STX18: variants seen among roughly 807,000 people sequenced by gnomAD.
STX18 encodes syntaxin 18.
In STX18, 40 loss-of-function variants were observed where a neutral mutation model predicts 50.1. The observed-to-expected ratio is 0.80, with a 90% CI of 0.62 to 1.04. STX18 has a LOEUF of 1.04. STX18 is among the 50% of genes least tolerant of loss of function. The pLI, the probability that STX18 is intolerant of heterozygous loss-of-function variation, is 0.00. For missense variants in STX18, 410 were observed against 415.8 expected, an observed-to-expected ratio of 0.99 and a Z score of 0.12; for synonymous variants, 158 against 151.8, an observed-to-expected ratio of 1.04 and a Z score of -0.30.
intron 9 of STX18, among the ~76,000 whole-genome samples, chr4:4,423,056 G>C (rs924245740): frequency 1.3e-5 from 2 of 152,234 alleles, no homozygotes; most frequent in Non-Finnish European, 2.9e-5. Context: ...TGAGAGGCCT[G>C]GGTCTGAGCT....
At chr4:4,503,236 C>A (rs781240468) in intron 1 of STX18, among the ~76,000 whole-genome samples, 1 of 152,126 alleles carries the variant, frequency 6.6e-6, no homozygotes, top group Non-Finnish European at 1.5e-5. Context: ...CAGCTCTTAA[C>A]GTCACTAAGA....
intron 1 of STX18, among the ~76,000 whole-genome samples, chr4:4,519,606 C>T (rs1441088): frequency 0.39 from 59,821 of 151,892 alleles, 11,947 homozygotes; most frequent in South Asian, 0.46. Flanking sequence ...AGCTGTAAAA[C>T]AGCTGAGAAG....
chr4:4,542,235 C>T, upstream of STX18: 1 of 383,742 alleles, frequency 2.6e-6, no homozygotes, highest in South Asian at 5.8e-5. Context: ...TTTAGCTGCG[C>T]GGAGAGCTCA....
chr4:4,421,691 C>G (rs981657170), intron 9 of STX18, among the ~76,000 whole-genome samples: 1 of 152,218 alleles, frequency 6.6e-6, no homozygotes, highest in African/African-American at 2.4e-5. Context: ...CTTCTAGTCT[C>G]TCATTTCTTT....
At chr4:4,460,358 G>C (rs1311174807) in intron 2 of STX18, among the ~76,000 whole-genome samples, 2 of 152,154 alleles carry the variant, frequency 1.3e-5, no homozygotes, top group South Asian at 2.1e-4. Flanking sequence ...AGCTACGACT[G>C]TGCTCCCTAG....
intron 1 of STX18, among the ~76,000 whole-genome samples, chr4:4,509,279 T>C (rs1281232998): frequency 1.3e-5 from 2 of 152,130 alleles, no homozygotes; most frequent in Non-Finnish European, 2.9e-5. Context: ...TGGTATCTCA[T>C]TGTGGTTTTG....
At chr4:4,478,224 C>CA (rs71638565) in intron 1 of STX18, among the ~76,000 whole-genome samples, 8,224 of 110,132 alleles carry the variant, frequency 0.075, 450 homozygotes, top group African/African-American at 0.21. Context: ...GAAAGATCGG[C>CA]AAAAAAAAAA....
chr4:4,540,361 G>A (rs963520390), intron 1 of STX18, among the ~76,000 whole-genome samples: 1 of 152,072 alleles, frequency 6.6e-6, no homozygotes, highest in Admixed American at 6.6e-5. Context: ...AGATCTCCGC[G>A]TCCAATTTTT....
chr4:4,430,023 T>C (rs183315576), intron 7 of STX18, among the ~76,000 whole-genome samples: 64 of 152,366 alleles, frequency 4.2e-4, no homozygotes, highest in South Asian at 3.5e-3. Context: ...AGAAATTTTC[T>C]TGATGTAACT....
At chr4:4,533,127 A>G (rs1435263403) in intron 1 of STX18, among the ~76,000 whole-genome samples, 1 of 152,230 alleles carries the variant, frequency 6.6e-6, no homozygotes, top group Non-Finnish European at 1.5e-5. Context: ...CAAGCTTTCC[A>G]TATCTGAGTT....
At chr4:4,502,131 T>C (rs551879220) in intron 1 of STX18, among the ~76,000 whole-genome samples, 1 of 152,296 alleles carries the variant, frequency 6.6e-6, no homozygotes, top group South Asian at 2.1e-4. Context: ...CTCTATTAGG[T>C]GTAATATACC....
intron 7 of STX18, among the ~76,000 whole-genome samples, chr4:4,428,886 A>G (rs1725386022): frequency 6.6e-6 from 1 of 152,188 alleles, no homozygotes; most frequent in Non-Finnish European, 1.5e-5. Flanking sequence ...TGGAATTGCA[A>G]AGGAAGGTGA....
At chr4:4,468,351 T>C (rs1424170983) in intron 2 of STX18, among the ~76,000 whole-genome samples, 1 of 152,116 alleles carries the variant, frequency 6.6e-6, no homozygotes, top group Admixed American at 6.5e-5. Context: ...TAACTTGAAA[T>C]AGACTGAGCA....
At chr4:4,448,357 T>C (rs1032096752) in intron 5 of STX18, among the ~76,000 whole-genome samples, 3 of 151,924 alleles carry the variant, frequency 2.0e-5, no homozygotes, top group Non-Finnish European at 4.4e-5. Context: ...ATGCTTTTTT[T>C]TTTTGACAGA....
chr4:4,471,648 T>C lies in STX18; in HGVS notation c.227A>G (p.Asn76Ser). 2 of 1,573,724 alleles carry C rather than the reference T, an allele frequency of 1.3e-6. No individual in the cohort carries two copies. Among genetic ancestry groups the C allele is most frequent in the Non-Finnish European group, 1.7e-6 (2 of 1,167,050 alleles). ...FLLEHRKDYINAYSHTMSEYG... is the reference protein window; with the variant it reads ...FLLEHRKDYISAYSHTMSEYG... ...AAAAATATGTACTTACCTATAAGCA[T>C]TAATATAATCTTTCCTGTGTTCCAG... Residue 76 changes from asparagine (N) to serine (S), a missense_variant, in exon 2 of 11, where the codon AAT (asparagine) becomes AGT (serine). Coordinates refer to ENST00000306200, the MANE Select transcript of STX18 (RefSeq NM_016930.4).
intron 1 of STX18, chr4:4,481,552 T>G (rs1728462595): frequency 1.3e-5 from 2 of 152,204 alleles, no homozygotes; most frequent in Admixed American, 6.5e-5. Flanking sequence ...ACCACTGCTG[T>G]ATGTTTGCCA....
intron 1 of STX18, among the ~76,000 whole-genome samples, chr4:4,472,680 C>T (rs189628873): frequency 1.4e-3 from 208 of 152,246 alleles, no homozygotes; most frequent in Non-Finnish European, 2.2e-3. Context: ...CTTTTATATA[C>T]ACACTTCTTT....
chr4:4,426,710 C>G (rs1725258006), intron 7 of STX18: 1 of 152,570 alleles, frequency 6.6e-6, no homozygotes, highest in African/African-American at 2.4e-5. Context: ...CCTTCCCCTA[C>G]CGTCCACATT....
chr4:4,489,719 T>G (rs573552313), intron 1 of STX18, among the ~76,000 whole-genome samples: 15 of 152,312 alleles, frequency 9.8e-5, no homozygotes, highest in Non-Finnish European at 1.8e-4. Flanking sequence ...GGATTGCTCC[T>G]TAAGTGTACA....
Sources: allele counts gnomAD v4.1 joint callset (sites outside exome capture counted in the v4.1 genomes callset), GRCh38; gene constraint gnomAD v4.1.1; transcripts MANE v1.5; gene names NCBI Gene and HGNC (gene_info 2026-07-23, HGNC 2026-07-21).